ZSCAN18: variants seen among roughly 807,000 people sequenced by gnomAD.
The protein encoded by ZSCAN18 is zinc finger and SCAN domain-containing protein 18.
Under a neutral mutation model 31.1 loss-of-function variants are expected in ZSCAN18, and 16 were observed. The ratio of observed to expected loss-of-function variants is 0.51; its 90% CI spans 0.35 to 0.78. ZSCAN18 has a LOEUF of 0.78. ZSCAN18 is among the 30% of genes least tolerant of loss of function. The pLI is 0.01. For synonymous variants in ZSCAN18, 375 were observed against 320.7 expected (o/e 1.17, Z -1.81); for missense variants, 731 against 697.4 (o/e 1.05, Z -0.54).
upstream of ZSCAN18, among the ~76,000 whole-genome samples, chr19:58,099,825 AT>A (rs1470961086): frequency 6.6e-6 from 1 of 151,886 alleles, no homozygotes; most frequent in Non-Finnish European, 1.5e-5. Context: ...TTCAATTTGC[AT>A]TTCCCTTAAT....
chr19:58,101,356 A>T (rs1325672176), upstream of ZSCAN18, among the ~76,000 whole-genome samples: 2 of 123,182 alleles, frequency 1.6e-5, no homozygotes, highest in Non-Finnish European at 3.3e-5. Flanking sequence ...TCACCATGTT[A>T]GCCAGGATGG....
chr19:58,103,238 G>T (rs1356569168), intron 1 of ZSCAN18, among the ~76,000 whole-genome samples: 1 of 152,210 alleles, frequency 6.6e-6, no homozygotes, highest in Non-Finnish European at 1.5e-5. Context: ...AGGAAATACG[G>T]TAAGTCTTTA....
At chr19:58,092,771 C>CTTT (rs925285750) in intron 1 of ZSCAN18, 459 of 760,936 alleles carry the variant, frequency 6.0e-4, no homozygotes, top group Non-Finnish European at 6.7e-4. Context: ...GATACCTCTA[C>CTTT]TTTTTTTTTT....
chr19:58,085,842 G>A (rs1727341916), intron 6 of ZSCAN18: 1 of 351,628 alleles, frequency 2.8e-6, no homozygotes, highest in Non-Finnish European at 5.2e-6. Flanking sequence ...GGGCCCTCCA[G>A]CCCAAGTCCG....
In ZSCAN18 at chr19:58,084,968, T is replaced by TCGC; in HGVS notation, c.1247_1249dup (p.Gly416dup). 1 of 1,599,542 alleles carries TCGC rather than the reference T, an allele frequency of 6.3e-7. No homozygotes were observed. The highest frequency in any genetic ancestry group is 8.5e-7 in the Non-Finnish European group (1 of 1,174,852). The stretch of plus-strand genomic sequence containing the variant: ...GAGCCACGCGAAGGCCTCCCCGCAC[T>TCGC]CGCCGCAGGCATAGGGCTTCCCGCG... On this transcript the variant is annotated inframe_insertion, in exon 7 of 7. Coordinates refer to ENST00000601144, the MANE Select transcript of ZSCAN18 (RefSeq NM_001145543.2). The surrounding 1 kb of genome is among the most constrained non-coding windows in gnomAD (Gnocchi z 4.5).
In ZSCAN18 at chr19:58,089,981, T is replaced by TGCTCCAGCACCAGCA; in HGVS notation, c.272_286dup (p.Leu91_Glu95dup). The stretch of plus-strand genomic sequence containing the variant: ...CTTATCAGGCAGGATGCCCAGGAAC[T>TGCTCCAGCACCAGCA]GCTCCAGCACCAGCAGCTCCAGCAT... On this transcript the variant is annotated inframe_insertion, in exon 2 of 7. Coordinates refer to ENST00000601144, the MANE Select transcript of ZSCAN18 (RefSeq NM_001145543.2). 6.2e-7 allele frequency: 1 copy of TGCTCCAGCACCAGCA among 1,614,132 alleles called. No homozygotes were observed.
At chr19:58,088,380 G>C in intron 3 of ZSCAN18, 1 of 272,692 alleles carries the variant, frequency 3.7e-6, no homozygotes, top group East Asian at 7.1e-5. Flanking sequence ...GAGGGGACGT[G>C]CATCAGGACA....
chr19:58,118,034 C>A (rs565963732), intron 1 of ZSCAN18, among the ~76,000 whole-genome samples: 2 of 152,028 alleles, frequency 1.3e-5, no homozygotes, highest in Admixed American at 6.5e-5. Flanking sequence ...GTTAGGGGGT[C>A]CGCGCCCGGC....
chr19:58,098,828 A>G (rs2074567943), upstream of ZSCAN18, among the ~76,000 whole-genome samples: 1 of 152,188 alleles, frequency 6.6e-6, no homozygotes, highest in African/African-American at 2.4e-5. Context: ...TACTGGGGAG[A>G]CAAGAGGTGG....
At chr19:58,107,293 T>C (rs983541212) in intron 1 of ZSCAN18, among the ~76,000 whole-genome samples, 8 of 152,088 alleles carry the variant, frequency 5.3e-5, no homozygotes, top group African/African-American at 1.7e-4. Flanking sequence ...TGGTGGCTCA[T>C]GCCTGTAATC....
intron 4 of ZSCAN18, 105 bp downstream of exon 4, chr19:58,087,211 G>A (rs1391844116): frequency 3.1e-6 from 4 of 1,280,278 alleles, no homozygotes; most frequent in Non-Finnish European, 4.3e-6. Context: ...CCTCAGCGCT[G>A]TGGACGTTTG....
intron 1 of ZSCAN18, among the ~76,000 whole-genome samples, chr19:58,097,378 T>G (rs2074538927): frequency 6.6e-6 from 1 of 150,480 alleles, no homozygotes; most frequent in South Asian, 2.1e-4. Context: ...GATGGGAGGG[T>G]GAGTCAGGCC....
intron 1 of ZSCAN18, among the ~76,000 whole-genome samples, chr19:58,106,781 A>G (rs1424869156): frequency 1.3e-5 from 2 of 151,196 alleles, no homozygotes; most frequent in Non-Finnish European, 2.9e-5. Flanking sequence ...TTTTTTTTGA[A>G]ATGGAGCCTC....
exon 1 of ZSCAN18, chr19:58,118,316 G>T (rs892989633): frequency 4.6e-6 from 7 of 1,529,750 alleles, no homozygotes; most frequent in African/African-American, 4.2e-5. Flanking sequence ...GGAGGAAACA[G>T]ACCCGAGAGG....
intron 6 of ZSCAN18, chr19:58,085,588 G>A (rs2074262336): frequency 3.7e-6 from 2 of 542,102 alleles, no homozygotes; most frequent in Non-Finnish European, 6.4e-6. Context: ...GGGACCTGGA[G>A]GCCTCCAACA....
rs762305535 is a variant in ZSCAN18, at chr19:58,107,914, G to A, written c.130+10353C>T. 45 of 1,075,216 alleles carry A rather than the reference G, an allele frequency of 4.2e-5. No homozygotes were observed. The East Asian group carries it at 1.2e-3, about 30-fold the overall frequency. 66.6% of individuals were successfully genotyped at this position (1,075,216 alleles called of 1,614,324 possible). A position where few individuals can be genotyped will look rare whatever the true frequency, so the allele number is the denominator to read the frequency against. On this transcript the variant is annotated intron_variant, in intron 1 of 1. Transcript: ENST00000595721. ...CTGTCCCTGAAGGCTTTGCCACACC[G>A]ATTACACTCGTAGGGCTTCTCACCA...
intron 1 of ZSCAN18, among the ~76,000 whole-genome samples, chr19:58,109,561 G>C (rs2074662820): frequency 6.6e-6 from 1 of 152,120 alleles, no homozygotes; most frequent in Non-Finnish European, 1.5e-5. Flanking sequence ...AAAACTTGTG[G>C]TTTACTTACA....
chr19:58,108,494 A>G (rs2074653705), intron 1 of ZSCAN18: 9 of 985,912 alleles, frequency 9.1e-6, no homozygotes, highest in Non-Finnish European at 1.1e-5. Context: ...AGGCTTTCCC[A>G]CTTCTTGCAT....
At chr19:58,094,463 T>C (rs1157484780) in intron 1 of ZSCAN18, among the ~76,000 whole-genome samples, 1 of 151,574 alleles carries the variant, frequency 6.6e-6, no homozygotes, top group Admixed American at 6.6e-5. Context: ...GAACAGAGAA[T>C]AGCAGATATA....
Sources: gnomAD v4.1 joint callset for allele counts (sites outside exome capture counted in the v4.1 genomes callset) on GRCh38, gnomAD v4.1.1 for gene constraint, Gnocchi (gnomAD v3.1) non-coding constraint, MANE v1.5 for transcripts, NCBI Gene and HGNC (gene_info 2026-07-23, HGNC 2026-07-21) for gene names.